The following ADIPOR2 variants were observed in gnomAD, a reference collection of about 807,000 sequenced individuals.
ADIPOR2 encodes adiponectin receptor 2.
A neutral mutation model predicts 40.9 loss-of-function variants in ADIPOR2; 18 were observed. The observed-to-expected ratio is 0.44, with a 90% CI of 0.30 to 0.65. ADIPOR2 has a LOEUF of 0.65. Among genes scored for constraint, ADIPOR2 ranks in the 30% least tolerant of loss-of-function variants. The probability of loss-of-function intolerance (pLI) is 0.09; values close to 1 mark genes in which losing one functional copy is unlikely to be tolerated. For synonymous variants in ADIPOR2, 165 were observed against 166.4 expected (o/e 0.99, Z 0.06); for missense variants, 283 against 479.2 (o/e 0.59, Z 3.82).
intron 1 of ADIPOR2, among the ~76,000 whole-genome samples, chr12:1,713,629 T>C (rs1037272399): frequency 6.6e-6 from 1 of 152,062 alleles, no homozygotes; most frequent in Non-Finnish European, 1.5e-5. Flanking sequence ...CCCATATTCA[T>C]GTAGATAATA....
At chr12:1,772,393 T>C (rs1286108424) in intron 2 of ADIPOR2, among the ~76,000 whole-genome samples, 1 of 152,216 alleles carries the variant, frequency 6.6e-6, no homozygotes, top group Non-Finnish European at 1.5e-5. Flanking sequence ...TTGGATATAT[T>C]TAAAAAATTT....
rs1862778935 is a variant in ADIPOR2, at chr12:1,783,998, C to G, written c.957C>G (p.Ser319Arg). ...TAGGCTGGTTGATGCTGATGGCCAG[C>G]CTCTACATCACAGGAGCTGCCCTGT... ...GQIGWLMLMA[S>R]LYITGAALYA... Residue 319 changes from serine (S) to arginine (R), a missense_variant, in exon 7 of 8, where the codon AGC (serine) becomes AGG (arginine). Physicochemically the swap from Ser to Arg is moderately radical, Grantham distance 110. This residue lies in a region of ADIPOR2 where 106 missense variants were observed against 149.7 expected (regional missense o/e 0.71). Coordinates refer to ENST00000357103, the MANE Select transcript of ADIPOR2 (RefSeq NM_024551.3). The G allele has an allele frequency of 6.2e-7, 1 of 1,613,876 alleles. No individual in the cohort carries two copies. The highest frequency in any genetic ancestry group is 8.5e-7 in the Non-Finnish European group (1 of 1,179,894).
intron 1 of ADIPOR2, among the ~76,000 whole-genome samples, chr12:1,712,793 A>G (rs533424530): frequency 4.4e-4 from 67 of 152,124 alleles, no homozygotes; most frequent in African/African-American, 1.5e-3. Flanking sequence ...AACTGTTTTA[A>G]TGTCTTAGGG....
chr12:1,699,140 G>C (rs1467261197), intron 1 of ADIPOR2, among the ~76,000 whole-genome samples: 1 of 152,156 alleles, frequency 6.6e-6, no homozygotes, highest in African/African-American at 2.4e-5. Context: ...TTTCTTGAGG[G>C]TAAGGAACGT....
At chr12:1,757,653 G>C in intron 2 of ADIPOR2, 1 of 1,291,822 alleles carries the variant, frequency 7.7e-7, no homozygotes, top group African/African-American at 1.4e-5. Flanking sequence ...TTCTCACTTT[G>C]TATTTGGCCT....
chr12:1,724,934 GTTAGGTATTA>G (rs1435939524), intron 1 of ADIPOR2, among the ~76,000 whole-genome samples: 1 of 152,024 alleles, frequency 6.6e-6, no homozygotes, highest in Non-Finnish European at 1.5e-5. Context: ...CTGAACAACT[GTTAGGTATTA>G]TTAGGTATTA....
chr12:1,760,633 A>G (rs894519242), intron 2 of ADIPOR2: 1 of 152,198 alleles, frequency 6.6e-6, no homozygotes, highest in South Asian at 2.1e-4. Context: ...AGTTTCATCA[A>G]TATTGTAGTA....
At chr12:1,752,093 G>A (rs1380109353) in intron 1 of ADIPOR2, among the ~76,000 whole-genome samples, 2 of 151,082 alleles carry the variant, frequency 1.3e-5, no homozygotes, top group Non-Finnish European at 3.0e-5. Flanking sequence ...ATTTTTAGTA[G>A]AGACTAATTT....
chr12:1,729,490 A>G (rs546761859), intron 1 of ADIPOR2, among the ~76,000 whole-genome samples: 1 of 151,304 alleles, frequency 6.6e-6, no homozygotes, highest in East Asian at 1.9e-4. Context: ...TTTATTTTTT[A>G]TTTTTAGAAA....
intron 1 of ADIPOR2, among the ~76,000 whole-genome samples, chr12:1,708,061 A>T (rs1004314925): frequency 6.6e-6 from 1 of 152,232 alleles, no homozygotes; most frequent in Admixed American, 6.5e-5. Flanking sequence ...ATATGCGAAT[A>T]AAAAATAATA....
At chr12:1,753,761 A>T (rs192827952) in intron 1 of ADIPOR2, among the ~76,000 whole-genome samples, 5 of 152,324 alleles carry the variant, frequency 3.3e-5, no homozygotes, top group African/African-American at 1.2e-4. Flanking sequence ...TTGGATATGT[A>T]AAGCCCAGTT....
At position 1,777,849 on chromosome 12, in the gene ADIPOR2, GC is replaced by G; in HGVS notation, c.292-3del. On this transcript the variant is annotated splice_polypyrimidine_tract_variant and splice_region_variant and intron_variant, in intron 3 of 7. Coordinates refer to ENST00000357103, the MANE Select transcript of ADIPOR2 (RefSeq NM_024551.3). ...CAAAGATGTTTGATAATACCTCTCT[GC>G]CAGGTATGGGAAGGTCGGTGGCGAG... The G allele has an allele frequency of 1.9e-6, 3 of 1,606,092 alleles. No homozygotes were observed. Among genetic ancestry groups the G allele is most frequent in the Non-Finnish European group, 2.6e-6 (3 of 1,176,306 alleles).
In ADIPOR2 at chr12:1,749,167, G is replaced by T. The variant is rs139170010; in HGVS notation, c.-86-5091G>T. Among the ~76,000 whole-genome samples, 8 of 152,318 alleles carry T rather than the reference G, an allele frequency of 5.3e-5. No individual in the cohort carries two copies. The East Asian group carries it at 1.5e-3, about 29-fold the overall frequency. On this transcript the variant is annotated intron_variant, in intron 1 of 7. Transcript: ENST00000357103. Reference sequence around the variant, plus strand: ...GTGCAGGGCTACGTATGGGGGAAGGGGTGTGAAACTTTCATGTCCTCCCTG... The same window carrying T: ...GTGCAGGGCTACGTATGGGGGAAGGTGTGTGAAACTTTCATGTCCTCCCTG...
At chr12:1,763,506 C>T (rs1425730564) in intron 2 of ADIPOR2, among the ~76,000 whole-genome samples, 1 of 152,150 alleles carries the variant, frequency 6.6e-6, no homozygotes, top group African/African-American at 2.4e-5. Flanking sequence ...TGTAGCATAT[C>T]ATTGGAGGTG....
intron 1 of ADIPOR2, among the ~76,000 whole-genome samples, chr12:1,729,667 A>G (rs1461577439): frequency 1.1e-5 from 1 of 91,512 alleles, no homozygotes; most frequent in African/African-American, 4.4e-5. Context: ...ATAACTTCTA[A>G]TTATTTTCTT....
intron 1 of ADIPOR2, among the ~76,000 whole-genome samples, chr12:1,706,795 C>T (rs2094664113): frequency 6.6e-6 from 1 of 152,108 alleles, no homozygotes; most frequent in Non-Finnish European, 1.5e-5. Context: ...TTCAAGGAAA[C>T]CACTGATTTG....
intron 7 of ADIPOR2, among the ~76,000 whole-genome samples, chr12:1,784,601 C>T (rs1277179070): frequency 6.6e-6 from 1 of 151,916 alleles, no homozygotes; most frequent in South Asian, 2.1e-4. Context: ...TTTTTTATAC[C>T]GAAATTTAGT....
At chr12:1,733,640 G>A (rs930097018) in intron 1 of ADIPOR2, among the ~76,000 whole-genome samples, 1 of 151,952 alleles carries the variant, frequency 6.6e-6, no homozygotes, top group Non-Finnish European at 1.5e-5. Context: ...AAGTTTTAGG[G>A]TACATGTGCA....
chr12:1,761,477 C>T (rs1272265551), intron 2 of ADIPOR2, among the ~76,000 whole-genome samples: 1 of 152,166 alleles, frequency 6.6e-6, no homozygotes, highest in East Asian at 1.9e-4. Context: ...TATATTCCCA[C>T]CAACAATGTG....
Sources: allele counts gnomAD v4.1 joint callset (sites outside exome capture counted in the v4.1 genomes callset), GRCh38; gene constraint gnomAD v4.1.1; regional missense constraint gnomAD v4.1.1; transcripts MANE v1.5; gene names NCBI Gene and HGNC (gene_info 2026-07-23, HGNC 2026-07-21).